The following CNIH1 variants were observed in gnomAD, a reference collection of about 807,000 sequenced individuals.
The protein encoded by CNIH1 is protein cornichon homolog 1.
Under a neutral mutation model 20.2 loss-of-function variants are expected in CNIH1, and 12 were observed. That is an observed-to-expected ratio of 0.59 (90% CI 0.38 to 0.96). The LOEUF (loss-of-function observed/expected upper bound fraction) is 0.96, where lower values mean the gene tolerates loss of function less well. CNIH1 is among the 40% of genes least tolerant of loss of function. The pLI is 0.00. For synonymous variants in CNIH1, 69 were observed against 63.3 expected, an observed-to-expected ratio of 1.09 and a Z score of -0.43; for missense variants, 152 against 178.8, an observed-to-expected ratio of 0.85 and a Z score of 0.85.
At chr14:54,428,765 C>A (rs1389469693) in intron 4 of CNIH1, among the ~76,000 whole-genome samples, 1 of 152,176 alleles carries the variant, frequency 6.6e-6, no homozygotes, top group African/African-American at 2.4e-5. Context: ...CAGAGCACTT[C>A]TTTGTTTCAT....
Position 54,425,525 on chromosome 14 carries a change from G to A in CNIH1, c.*2289C>T, listed in dbSNP as rs1413853179. 1 of 152,182 alleles carries A rather than the reference G, an allele frequency of 6.6e-6. No individual in the cohort carries two copies. The highest frequency in any genetic ancestry group is 1.5e-5 in the Non-Finnish European group (1 of 68,028). The allele number at this position is 152,182 out of a possible 1,614,324, so 9.4% of individuals were successfully genotyped here. ...CTAGGGCCACCCCAAAGAGATTGATGTGGAAAATAAATCCAGAGCAATGAA... is the reference window on the plus strand; with the variant it reads ...CTAGGGCCACCCCAAAGAGATTGATATGGAAAATAAATCCAGAGCAATGAA... On this transcript the variant is annotated 3_prime_UTR_variant, in exon 5 of 5. Transcript: ENST00000216416.
chr14:54,431,204 C>T (rs561781516), intron 3 of CNIH1, among the ~76,000 whole-genome samples: 3 of 151,788 alleles, frequency 2.0e-5, no homozygotes, highest in Non-Finnish European at 4.4e-5. Context: ...TCTTGGCTAA[C>T]TGCAAACTCT....
Position 54,425,327 on chromosome 14 carries a change from GAGCTAGAAAGCTTTTAAAGATAA to G in CNIH1, c.*2464_*2486del, listed in dbSNP as rs2030805017. The G allele has an allele frequency of 1.3e-5, 2 of 151,742 alleles. No homozygotes were observed. The highest frequency in any genetic ancestry group is 4.2e-4 in the South Asian group (2 of 4,810). The allele number at this position is 151,742 out of a possible 1,614,324, so 9.4% of individuals were successfully genotyped here. ...CACAAACAGGGAAAACAATTTCCTA[GAGCTAGAAAGCTTTTAAAGATAA>G]AGCACATAATACCAAAAGTAACTGT... On this transcript the variant is annotated 3_prime_UTR_variant, in exon 5 of 5. Coordinates refer to ENST00000216416, the MANE Select transcript of CNIH1 (RefSeq NM_005776.3).
chr14:54,434,006 A>G (rs1323098624), intron 2 of CNIH1, among the ~76,000 whole-genome samples: 1 of 152,218 alleles, frequency 6.6e-6, no homozygotes, highest in Non-Finnish European at 1.5e-5. Context: ...CACAAAAATT[A>G]TTCAATTTAG....
intron 2 of CNIH1, among the ~76,000 whole-genome samples, chr14:54,432,856 C>G (rs2030976981): frequency 6.6e-6 from 1 of 152,144 alleles, no homozygotes; most frequent in Non-Finnish European, 1.5e-5. Flanking sequence ...AGACTGAGTT[C>G]TTAACCATGA....
intron 4 of CNIH1, among the ~76,000 whole-genome samples, chr14:54,429,948 A>G (rs900325327): frequency 6.6e-6 from 1 of 152,208 alleles, no homozygotes; most frequent in African/African-American, 2.4e-5. Flanking sequence ...GCAAACTCAC[A>G]CATCCCTATC....
In CNIH1 at chr14:54,423,837, G is replaced by C. The variant is rs2030775140; in HGVS notation, c.*3977C>G. The C allele has an allele frequency of 6.6e-6, 1 of 152,172 alleles. No homozygotes were observed. Among genetic ancestry groups the C allele is most frequent in the Non-Finnish European group, 1.5e-5 (1 of 68,038 alleles). 9.4% of individuals were successfully genotyped at this position (152,172 alleles called of 1,614,324 possible). A position where few individuals can be genotyped will look rare whatever the true frequency, so the allele number is the denominator to read the frequency against. On this transcript the variant is annotated 3_prime_UTR_variant, in exon 5 of 5. Coordinates refer to ENST00000216416, the MANE Select transcript of CNIH1 (RefSeq NM_005776.3). ...TCGAAAAAGCACTACACAATAAAAT[G>C]AGACGCAATCCTTATGCAGGTCAAG...
intron 2 of CNIH1, among the ~76,000 whole-genome samples, chr14:54,434,667 T>C (rs920049256): frequency 6.6e-6 from 1 of 152,200 alleles, no homozygotes; most frequent in African/African-American, 2.4e-5. Flanking sequence ...TTTACCTTCA[T>C]CATCATTTGG....
At chr14:54,430,746 T>C (rs1051586020) in intron 3 of CNIH1, among the ~76,000 whole-genome samples, 1 of 152,216 alleles carries the variant, frequency 6.6e-6, no homozygotes, top group African/African-American at 2.4e-5. Flanking sequence ...CACCCAGATA[T>C]TCCAAATGTC....
rs73257047 is a variant in CNIH1 at position 54,434,114 on chromosome 14, T to C, written c.151-1894A>G. On this transcript the variant is annotated intron_variant, in intron 2 of 4. Coordinates refer to ENST00000216416, the MANE Select transcript of CNIH1 (RefSeq NM_005776.3). ...TAAACATGCAAAATATAATATTCTC[T>C]TGTTAAAGTTCACAATTTAAAAAAT... 1.5e-3 allele frequency among the ~76,000 whole-genome samples: 233 copies of C among 152,332 alleles called. 1 individual carries two copies. The highest frequency in any genetic ancestry group is 5.2e-3 in the African/African-American group (217 of 41,574).
At position 54,441,323 on chromosome 14, in the gene CNIH1, G is replaced by A. The variant is rs1313336119; in HGVS notation, c.5C>T (p.Ala2Val). 2.7e-6 allele frequency: 4 copies of A among 1,507,182 alleles called. No homozygotes were observed. Among genetic ancestry groups the A allele is most frequent in the Non-Finnish European group, 3.6e-6 (4 of 1,122,326 alleles). The allele number at this position is 1,507,182 out of a possible 1,614,324, so 93.4% of individuals were successfully genotyped here. ...GTAGCAGAAGGCCGCGAACGTGAAC[G>A]CCATGGCTGGGGAGGAGGAGCGGGG... Reference protein sequence around the residue: MAFTFAAFCYML... With the variant: MVFTFAAFCYML... Residue 2 changes from alanine to valine, a missense_variant, in exon 1 of 5, where the codon GCG becomes GTG. Around this residue, in one of 3 missense-constraint regions of CNIH1, gnomAD observed 97 missense variants for 100.6 expected, o/e 0.96. Transcript: ENST00000216416.
chr14:54,438,273 C>T (rs993045864), intron 1 of CNIH1, among the ~76,000 whole-genome samples: 4 of 152,312 alleles, frequency 2.6e-5, no homozygotes, highest in African/African-American at 9.6e-5. Context: ...AGCCACTGTG[C>T]CTGGTCACAG....
intron 3 of CNIH1, among the ~76,000 whole-genome samples, 168 bp downstream of exon 3, chr14:54,431,940 A>G (rs1482576114): frequency 6.6e-6 from 1 of 152,272 alleles, no homozygotes; most frequent in East Asian, 1.9e-4. Context: ...AGTAAGCTCT[A>G]TATGAGGTAT....
chr14:54,440,408 C>A (rs1409860602), intron 1 of CNIH1, among the ~76,000 whole-genome samples: 1 of 152,160 alleles, frequency 6.6e-6, no homozygotes, highest in Non-Finnish European at 1.5e-5. Flanking sequence ...AACTATGTCA[C>A]AGGGAACTTA....
chr14:54,436,248 G>T, intron 2 of CNIH1, 121 bp downstream of exon 2: 2 of 712,120 alleles, frequency 2.8e-6, no homozygotes, highest in Non-Finnish European at 5.1e-6. Context: ...TTTAAATTCT[G>T]CCTACTTCAA....
chr14:54,432,069 T>G (rs769995146), intron 3 of CNIH1, 39 bp downstream of exon 3: 90 of 1,149,416 alleles, frequency 7.8e-5, no homozygotes, highest in Non-Finnish European at 1.0e-4. Context: ...TATTTAAGTT[T>G]TAATTTAAAA....
chr14:54,428,519 G>T (rs1171808801), intron 4 of CNIH1, among the ~76,000 whole-genome samples: 2 of 152,206 alleles, frequency 1.3e-5, no homozygotes, highest in Non-Finnish European at 1.5e-5. Context: ...GAACAAGCTT[G>T]ATAGACAACC....
In CNIH1 at chr14:54,436,326, CAT is replaced by C. The variant is rs538048620; in HGVS notation, c.150+41_150+42del. 9.8e-4 allele frequency: 1,097 copies of C among 1,124,874 alleles called. 9 individuals carry two copies. The African/African-American group carries it at 0.015, about 15-fold the overall frequency. The allele number at this position is 1,124,874 out of a possible 1,614,324, so 69.7% of individuals were successfully genotyped here. A position where few individuals can be genotyped will look rare whatever the true frequency, so the allele number is the denominator to read the frequency against. ...CAAATTACTTCAAGTTAAAAACAAA[CAT>C]ATTTTTAAAATCTAAAGATAAATCC... On this transcript the variant is annotated intron_variant, in intron 2 of 4. Coordinates refer to ENST00000216416, the MANE Select transcript of CNIH1 (RefSeq NM_005776.3).
At position 54,427,816 on chromosome 14, in the gene CNIH1, A is replaced by T; in HGVS notation, c.433T>A (p.Ter145LysextTer10). ...GACCAATTCTTCTGTGTGTTGTTCT[A>T]AGAGCTCACCAAAACATAGATCATG... Reference protein sequence around the residue: ...YGMIYVLVSS* With the variant: ...YGMIYVLVSSK Residue 145 changes from the stop codon to lysine, a stop_lost, in exon 5 of 5, where the codon TAG becomes AAG. Coordinates refer to ENST00000216416, the MANE Select transcript of CNIH1 (RefSeq NM_005776.3). The T allele has an allele frequency of 6.2e-7, 1 of 1,613,740 alleles. No homozygotes were observed. Among genetic ancestry groups the T allele is most frequent in the Non-Finnish European group, 8.5e-7 (1 of 1,179,868 alleles).
Sources: gnomAD v4.1 joint callset for allele counts (sites outside exome capture counted in the v4.1 genomes callset) on GRCh38, gnomAD v4.1.1 for gene constraint, gnomAD v4.1.1 regional missense constraint, MANE v1.5 for transcripts, NCBI Gene and HGNC (gene_info 2026-07-23, HGNC 2026-07-21) for gene names.